GALNT13: variants seen among roughly 807,000 people sequenced by gnomAD.
GALNT13 encodes UDP-GalNAc:polypeptide N-acetylgalactosaminyltransferase 13.
Under a neutral mutation model 64.2 loss-of-function variants are expected in GALNT13, and 28 were observed. The ratio of observed to expected loss-of-function variants is 0.44; its 90% CI spans 0.32 to 0.60. The LOEUF (loss-of-function observed/expected upper bound fraction) is 0.60. Ranked by LOEUF, GALNT13 falls within the 20% of genes least tolerant of loss-of-function variation. GALNT13 has a pLI of 0.05. For synonymous variants in GALNT13, 214 were observed against 224.6 expected, an observed-to-expected ratio of 0.95 and a Z score of 0.42; for missense variants, 577 against 669.8, an observed-to-expected ratio of 0.86 and a Z score of 1.53.
the GALNT13 span, among the ~76,000 whole-genome samples, chr2:153,367,252 G>A: frequency 5.3e-5 from 8 of 152,044 alleles, no homozygotes; most frequent in East Asian, 1.4e-3. Context: ...AAAAGTAAAG[G>A]GTCTGATATC....
At chr2:153,309,528 CTTT>C in the GALNT13 span, among the ~76,000 whole-genome samples, 3 of 149,326 alleles carry the variant, frequency 2.0e-5, no homozygotes, top group Non-Finnish European at 4.5e-5. Context: ...TCTTGAAGCA[CTTT>C]TTTTTTTTTA....
chr2:153,322,033 T>C, the GALNT13 span, among the ~76,000 whole-genome samples: 1 of 151,670 alleles, frequency 6.6e-6, no homozygotes, highest in South Asian at 2.1e-4. Context: ...GAATTTTTTT[T>C]TCAACTTTTG....
At chr2:153,600,769 G>T in the GALNT13 span, among the ~76,000 whole-genome samples, 2 of 151,944 alleles carry the variant, frequency 1.3e-5, no homozygotes, top group African/African-American at 4.8e-5. Flanking sequence ...TACAATTTGG[G>T]TACTATCTTT....
chr2:154,281,640 G>A (rs542145944), intron 8 of GALNT13, among the ~76,000 whole-genome samples: 46 of 152,234 alleles, frequency 3.0e-4, no homozygotes, highest in Admixed American at 3.0e-3. Context: ...GGTTTTGAGA[G>A]GAGTGGGAGA....
intron 8 of GALNT13, chr2:154,287,255 G>A (rs903057934): frequency 2.2e-5 from 20 of 889,270 alleles, no homozygotes; most frequent in East Asian, 9.8e-5. Flanking sequence ...CTTTGCCGAC[G>A]GCAACTCCAA....
chr2:153,594,000 A>G, the GALNT13 span, among the ~76,000 whole-genome samples: 2 of 152,194 alleles, frequency 1.3e-5, no homozygotes, highest in East Asian at 1.9e-4. Flanking sequence ...TGCATCATAG[A>G]TATTCTATAC....
intron 6 of GALNT13, among the ~76,000 whole-genome samples, chr2:154,243,544 T>C (rs1689612641): frequency 6.6e-6 from 1 of 152,218 alleles, no homozygotes; most frequent in Non-Finnish European, 1.5e-5. Flanking sequence ...TGTCACCTTA[T>C]ACATACACAT....
At chr2:153,988,061 T>TACACACAC in intron 3 of GALNT13, among the ~76,000 whole-genome samples, 1 of 113,500 alleles carries the variant, frequency 8.8e-6, no homozygotes, top group East Asian at 2.2e-4. Context: ...AGGTGACATA[T>TACACACAC]ATATATATAT....
chr2:154,415,136 G>GAA (rs140405678), intron 11 of GALNT13, among the ~76,000 whole-genome samples: 56 of 134,876 alleles, frequency 4.2e-4, no homozygotes, highest in Non-Finnish European at 4.0e-4. Context: ...CCCATCTCTA[G>GAA]AAAAAAAAAA....
chr2:153,570,267 A>T, the GALNT13 span, among the ~76,000 whole-genome samples: 1 of 152,086 alleles, frequency 6.6e-6, no homozygotes, highest in Non-Finnish European at 1.5e-5. Flanking sequence ...ATGTTTATGC[A>T]AATCTTTGCC....
Position 154,450,769 on chromosome 2 carries a change from A to G in GALNT13, c.*218A>G. On this transcript the variant is annotated 3_prime_UTR_variant, in exon 13 of 13. Transcript: ENST00000392825. ...ATAAGAATATAAATAATAGCAAACT[A>G]CTATTAAACAACAGAACAACTTGTA... is the stretch of plus-strand genomic sequence containing the variant. 4.7e-6 allele frequency: 2 copies of G among 425,620 alleles called. No individual in the cohort carries two copies. The highest frequency in any genetic ancestry group is 8.3e-6 in the Non-Finnish European group (2 of 241,242). The allele number at this position is 425,620 out of a possible 1,614,324, so 26.4% of individuals were successfully genotyped here.
the GALNT13 span, among the ~76,000 whole-genome samples, chr2:153,761,240 G>A: frequency 6.6e-6 from 1 of 152,094 alleles, no homozygotes; most frequent in East Asian, 1.9e-4. Flanking sequence ...TTAGTGATAG[G>A]TAAGAACCTA....
At chr2:154,334,571 G>A (rs1695338173) in intron 9 of GALNT13, among the ~76,000 whole-genome samples, 2 of 151,990 alleles carry the variant, frequency 1.3e-5, no homozygotes, top group South Asian at 4.1e-4. Context: ...GACAAAGGCA[G>A]TAACCACTTA....
At chr2:154,110,580 T>A (rs547155941) in intron 3 of GALNT13, among the ~76,000 whole-genome samples, 2 of 151,846 alleles carry the variant, frequency 1.3e-5, no homozygotes, top group East Asian at 3.9e-4. Flanking sequence ...GCTGAGAGAC[T>A]AAGCCAGTCT....
the GALNT13 span, among the ~76,000 whole-genome samples, chr2:153,514,897 T>C: frequency 6.6e-6 from 1 of 152,100 alleles, no homozygotes; most frequent in East Asian, 1.9e-4. Flanking sequence ...GGGAAGAGCA[T>C]ACAGACAGAA....
intron 3 of GALNT13, among the ~76,000 whole-genome samples, chr2:154,010,687 G>C (rs908047462): frequency 4.6e-5 from 7 of 152,090 alleles, no homozygotes. Context: ...CATATATCTG[G>C]TAGAATTCAG....
chr2:153,820,795 A>G, the GALNT13 span, among the ~76,000 whole-genome samples: 1 of 152,152 alleles, frequency 6.6e-6, no homozygotes, highest in African/African-American at 2.4e-5. Flanking sequence ...CCTATAAAAC[A>G]TCTACACAAT....
the GALNT13 span, among the ~76,000 whole-genome samples, chr2:153,765,220 A>T: frequency 6.6e-6 from 1 of 152,176 alleles, no homozygotes; most frequent in Non-Finnish European, 1.5e-5. Flanking sequence ...CTTTCACTGC[A>T]CCTGGAAAAG....
intron 4 of GALNT13, among the ~76,000 whole-genome samples, chr2:154,231,739 G>A (rs1451854917): frequency 7.0e-6 from 1 of 143,602 alleles, no homozygotes; most frequent in African/African-American, 2.5e-5. Flanking sequence ...TTAGGTTGGT[G>A]CAAAAGTAAT....
Sources: gnomAD v4.1 joint callset for allele counts (sites outside exome capture counted in the v4.1 genomes callset) on GRCh38, gnomAD v4.1.1 for gene constraint, MANE v1.5 for transcripts, NCBI Gene and HGNC (gene_info 2026-07-23, HGNC 2026-07-21) for gene names.